The following AK5 variants were observed in gnomAD, a reference collection of about 807,000 sequenced individuals.
The protein encoded by AK5 is adenylate kinase isoenzyme 5.
In AK5, 27 loss-of-function variants were observed where a neutral mutation model predicts 69.5. The ratio of observed to expected loss-of-function variants is 0.39; its 90% CI spans 0.29 to 0.54. The LOEUF is 0.54. Ranked by LOEUF, AK5 falls within the 20% of genes least tolerant of loss-of-function variation. The pLI is 0.71. For missense variants in AK5, 531 were observed against 700.4 expected, an observed-to-expected ratio of 0.76 and a Z score of 2.73; for synonymous variants, 260 against 244.4, an observed-to-expected ratio of 1.06 and a Z score of -0.60.
chr1:77,391,475 G>GTGTGTA (rs1298194725), intron 6 of AK5, among the ~76,000 whole-genome samples: 1,681 of 30,690 alleles, frequency 0.055, 76 homozygotes, highest in South Asian at 0.17. Flanking sequence ...ACACATATGT[G>GTGTGTA]TGTGTGTATG....
intron 13 of AK5, among the ~76,000 whole-genome samples, chr1:77,545,605 T>C (rs1272726758): frequency 6.6e-6 from 1 of 152,244 alleles, no homozygotes; most frequent in Non-Finnish European, 1.5e-5. Flanking sequence ...GGCTGATTTT[T>C]TTTAACTCAT....
intron 8 of AK5, among the ~76,000 whole-genome samples, chr1:77,454,897 T>G (rs1653378771): frequency 6.6e-6 from 1 of 152,212 alleles, no homozygotes; most frequent in Admixed American, 6.5e-5. Context: ...AGTGTCATCT[T>G]CTCTCTGGAC....
At chr1:77,490,605 G>A (rs189257598) in intron 10 of AK5, among the ~76,000 whole-genome samples, 14 of 152,280 alleles carry the variant, frequency 9.2e-5, no homozygotes, top group Non-Finnish European at 1.2e-4. Context: ...GACTTCAGTT[G>A]TTCACATACA....
intron 6 of AK5, among the ~76,000 whole-genome samples, chr1:77,341,333 A>G (rs1661641983): frequency 6.6e-6 from 1 of 152,190 alleles, no homozygotes; most frequent in African/African-American, 2.4e-5. Context: ...TGAAGAAAGC[A>G]CTTTATGCAA....
At chr1:77,403,231 T>C (rs995308895) in intron 6 of AK5, among the ~76,000 whole-genome samples, 3 of 152,234 alleles carry the variant, frequency 2.0e-5, no homozygotes, top group Admixed American at 6.5e-5. Flanking sequence ...AAAAATGTTC[T>C]CCCATTCTGT....
At chr1:77,504,419 GT>G (rs1449240284) in intron 10 of AK5, among the ~76,000 whole-genome samples, 1 of 129,626 alleles carries the variant, frequency 7.7e-6, no homozygotes, top group South Asian at 2.5e-4. Context: ...ATTCCTCTTA[GT>G]TTTTTTCTGT....
rs10547281 is a variant in AK5 at position 77,324,318 on chromosome 1, CGTGTGTGTGTGT to C, written c.700-16034_700-16023del. 5.8e-4 allele frequency among the ~76,000 whole-genome samples: 86 copies of C among 148,788 alleles called. 1 individual carries two copies. Among genetic ancestry groups the C allele is most frequent in the Middle Eastern group, 3.4e-3 (1 of 290 alleles). On this transcript the variant is annotated intron_variant, in intron 5 of 13. Transcript: ENST00000354567. Reference sequence around the variant, plus strand: ...ATATTAAAAAAAAGTTCACCATTTGCGTGTGTGTGTGTGTGTGTGTGTGTGTGTGTGTGTGTC... The same window carrying C: ...ATATTAAAAAAAAGTTCACCATTTGCGTGTGTGTGTGTGTGTGTGTGTGTC...
chr1:77,410,108 A>G lies in AK5; in HGVS notation c.892-873A>G, dbSNP rs12239270. On this transcript the variant is annotated intron_variant, in intron 6 of 13. Coordinates refer to ENST00000354567, the MANE Select transcript of AK5 (RefSeq NM_174858.3). ...AACTCAGAAAATAGAGAATTCATAAATATAACTATGTCATTTTAAAATATT... is the reference window on the plus strand; with the variant it reads ...AACTCAGAAAATAGAGAATTCATAAGTATAACTATGTCATTTTAAAATATT... 2.5e-3 allele frequency among the ~76,000 whole-genome samples: 382 copies of G among 152,288 alleles called. 2 individuals are homozygous for G. Among genetic ancestry groups the G allele is most frequent in the African/African-American group, 8.6e-3 (359 of 41,568 alleles).
chr1:77,420,082 A>G (rs1303239376), intron 8 of AK5, among the ~76,000 whole-genome samples: 1 of 150,488 alleles, frequency 6.6e-6, no homozygotes, highest in African/African-American at 2.4e-5. Context: ...AAAGTAAACA[A>G]TAAACATAGT....
At chr1:77,391,514 T>TAC (rs1648480621) in intron 6 of AK5, among the ~76,000 whole-genome samples, 1 of 76,596 alleles carries the variant, frequency 1.3e-5, no homozygotes. Context: ...TATATATATA[T>TAC]ATATATATAT....
chr1:77,298,510 A>T (rs1659140966), intron 5 of AK5, among the ~76,000 whole-genome samples: 1 of 137,002 alleles, frequency 7.3e-6, no homozygotes, highest in South Asian at 2.5e-4. Flanking sequence ...ATTTTTCATT[A>T]AAAAAAATTA....
Position 77,533,867 on chromosome 1 carries a change from C to T in AK5, c.1429-1980C>T, listed in dbSNP as rs1256105106. ...TTTCAGGGAGAACATTAAGCCGCCT[C>T]CCAAGCTCGCCCTCTGCTGGTGAAC... On this transcript the variant is annotated intron_variant, in intron 12 of 13. Coordinates refer to ENST00000354567, the MANE Select transcript of AK5 (RefSeq NM_174858.3). Among the ~76,000 whole-genome samples, 7 of 152,194 alleles carry T rather than the reference C, an allele frequency of 4.6e-5. No homozygotes were observed. The East Asian group carries it at 1.4e-3, about 29-fold the overall frequency.
chr1:77,406,996 A>G (rs1411518719), intron 6 of AK5, among the ~76,000 whole-genome samples: 2 of 152,116 alleles, frequency 1.3e-5, no homozygotes, highest in African/African-American at 2.4e-5. Context: ...CCAGCATCCA[A>G]CAAGGTCAAA....
chr1:77,367,709 ATGTT>A (rs1647000903), intron 6 of AK5, among the ~76,000 whole-genome samples: 1 of 90,676 alleles, frequency 1.1e-5, no homozygotes, highest in Non-Finnish European at 2.0e-5. Context: ...TGTTATATAT[ATGTT>A]ATATATAATA....
Position 77,558,619 on chromosome 1 carries a change from AC to A in AK5, c.1640del (p.Pro547GlnfsTer37). On this transcript the variant is annotated frameshift_variant, in exon 14 of 14. Coordinates refer to ENST00000354567, the MANE Select transcript of AK5 (RefSeq NM_174858.3). LOFTEE classifies it high-confidence loss of function. Reference protein sequence around the residue: ...QLHKINAEGTPEDVFLQLCTA... With the variant: ...QLHKINAEGTXEDVFLQLCTA... ...AAATATAGATAAATGCAGAGGGAAC[AC>A]CAGAGGACGTTTTTCTTCAACTCTG... The A allele has an allele frequency of 1.3e-6, 2 of 1,599,102 alleles. No individual in the cohort carries two copies. Among genetic ancestry groups the A allele is most frequent in the Non-Finnish European group, 1.7e-6 (2 of 1,166,964 alleles).
intron 6 of AK5, among the ~76,000 whole-genome samples, chr1:77,394,108 G>A (rs1252300045): frequency 1.3e-5 from 2 of 151,838 alleles, no homozygotes; most frequent in East Asian, 1.9e-4. Context: ...CCAGCTACTC[G>A]GGAGGCTGAG....
chr1:77,363,395 A>T (rs1166165157), intron 6 of AK5, among the ~76,000 whole-genome samples: 1 of 152,160 alleles, frequency 6.6e-6, no homozygotes, highest in Non-Finnish European at 1.5e-5. Context: ...GTGGCCTCTT[A>T]ACTGGTCTTC....
Position 77,475,973 on chromosome 1 carries a change from T to A in AK5, c.1060-7344T>A, listed in dbSNP as rs550243291. 3.6e-3 allele frequency among the ~76,000 whole-genome samples: 548 copies of A among 152,280 alleles called. 1 individual carries two copies. The highest frequency in any genetic ancestry group is 0.013 in the African/African-American group (535 of 41,558). ...CTTAGAGAAAAACAGTGAGAAAATT[T>A]TTTTCTTTAAAATTTCTTATTAGAG... On this transcript the variant is annotated intron_variant, in intron 8 of 13. Coordinates refer to ENST00000354567, the MANE Select transcript of AK5 (RefSeq NM_174858.3).
At chr1:77,492,659 T>G (rs1008812382) in intron 10 of AK5, among the ~76,000 whole-genome samples, 1 of 152,160 alleles carries the variant, frequency 6.6e-6, no homozygotes, top group Non-Finnish European at 1.5e-5. Context: ...GCGCATCTGC[T>G]GAAAGCCCTG....
Sources: gnomAD v4.1 joint callset for allele counts (sites outside exome capture counted in the v4.1 genomes callset) on GRCh38, gnomAD v4.1.1 for gene constraint, MANE v1.5 for transcripts, NCBI Gene and HGNC (gene_info 2026-07-23, HGNC 2026-07-21) for gene names.